The following BLNK variants were observed in gnomAD, a reference collection of about 807,000 sequenced individuals.
The protein encoded by BLNK is B-cell linker protein.
BLNK carries 29 observed loss-of-function variants against 73.5 expected under a neutral mutation model. That is an observed-to-expected ratio of 0.39 (90% CI 0.29 to 0.54). The LOEUF is 0.54. BLNK is among the 20% of genes least tolerant of loss of function. BLNK has a pLI of 0.61. For synonymous variants in BLNK, 176 were observed against 200.8 expected, an observed-to-expected ratio of 0.88 and a Z score of 1.04; for missense variants, 460 against 562.8, an observed-to-expected ratio of 0.82 and a Z score of 1.85.
intron 1 of BLNK, among the ~76,000 whole-genome samples, chr10:96,261,961 C>T (rs1395427216): frequency 3.3e-5 from 5 of 152,262 alleles, no homozygotes; most frequent in African/African-American, 7.2e-5. Flanking sequence ...ACTCTAGGTA[C>T]GAGCTCAGAC....
intron 1 of BLNK, among the ~76,000 whole-genome samples, chr10:96,256,213 C>T (rs1478297457): frequency 2.0e-5 from 3 of 152,108 alleles, no homozygotes; most frequent in Admixed American, 6.5e-5. Flanking sequence ...AACATCTGTG[C>T]TGGTGCAATT....
Position 96,190,189 on chromosome 10 carries a change from G to A in BLNK, c.*1784C>T. 1 of 791,390 alleles carries A rather than the reference G, an allele frequency of 1.3e-6. No individual in the cohort carries two copies. The highest frequency in any genetic ancestry group is 2.2e-6 in the Non-Finnish European group (1 of 446,882). 49.0% of individuals were successfully genotyped at this position (791,390 alleles called of 1,614,324 possible). The stretch of plus-strand genomic sequence containing the variant: ...GAAAAGATAGTTCTGGGCCTCAGGG[G>A]GCTCACGTCCATGTCCATCGAATCT... On this transcript the variant is annotated 3_prime_UTR_variant, in exon 17 of 17. Transcript: ENST00000224337.
Position 96,233,566 on chromosome 10 carries a change from C to G in BLNK, c.164-2732G>C, listed in dbSNP as rs189600617. Among the ~76,000 whole-genome samples the G allele has an allele frequency of 3.4e-4, 52 of 152,330 alleles. 3 individuals carry two copies. Among genetic ancestry groups the G allele is most frequent in the African/African-American group, 9.1e-4 (38 of 41,560 alleles). ...CAGTAACACCAGACAGCTTCCTCCT[C>G]CCGTTGTGCACTTTGCTGATTCTCT... On this transcript the variant is annotated intron_variant, in intron 3 of 16. Coordinates refer to ENST00000224337, the MANE Select transcript of BLNK (RefSeq NM_013314.4).
At chr10:96,257,781 G>A (rs1427930002) in intron 1 of BLNK, among the ~76,000 whole-genome samples, 3 of 152,210 alleles carry the variant, frequency 2.0e-5, no homozygotes, top group African/African-American at 7.2e-5. Flanking sequence ...GCAGGCCACA[G>A]AGCTAACCTG....
intron 3 of BLNK, among the ~76,000 whole-genome samples, chr10:96,242,114 G>A (rs1842898702): frequency 1.3e-5 from 2 of 152,104 alleles, no homozygotes; most frequent in African/African-American, 4.8e-5. Context: ...ACATGCTGTG[G>A]GAGGGACCTT....
Position 96,209,835 on chromosome 10 carries a change from T to C in BLNK, c.746+3A>G. On this transcript the variant is annotated splice_donor_region_variant and intron_variant, in intron 9 of 16. Transcript: ENST00000224337. The stretch of plus-strand genomic sequence containing the variant: ...AAAGCTGCTTCCTGCAACAGGTACT[T>C]ACCCGGCCCGTGGCAACGGGGATGG... 6.2e-7 allele frequency: 1 copy of C among 1,614,184 alleles called. No homozygotes were observed. The highest frequency in any genetic ancestry group is 8.5e-7 in the Non-Finnish European group (1 of 1,180,026).
At chr10:96,243,009 A>G (rs1364429017) in intron 2 of BLNK, among the ~76,000 whole-genome samples, 8 of 152,220 alleles carry the variant, frequency 5.3e-5, no homozygotes, top group African/African-American at 1.9e-4. Flanking sequence ...TGTGGCTATG[A>G]CTTGGCAAAG....
At chr10:96,258,271 A>T (rs1464675842) in intron 1 of BLNK, among the ~76,000 whole-genome samples, 1 of 152,174 alleles carries the variant, frequency 6.6e-6, no homozygotes, top group Non-Finnish European at 1.5e-5. Context: ...TGATAATGTG[A>T]ACAAGCCCCT....
chr10:96,197,292 GA>G (rs1421940892), intron 15 of BLNK, among the ~76,000 whole-genome samples: 1 of 151,248 alleles, frequency 6.6e-6, no homozygotes, highest in South Asian at 2.1e-4. Flanking sequence ...TGCCTTTTTT[GA>G]AAAAAAGGTA....
In BLNK at chr10:96,200,404, A is replaced by C. The variant is rs1018759571; in HGVS notation, c.1012-246T>G. On this transcript the variant is annotated intron_variant, in intron 14 of 16. Transcript: ENST00000224337. This position sits in a 1 kb window ranked among gnomAD's most constrained non-coding sequence, Gnocchi z 4.3. ...ATTATTTCTTTCTTTCTCCTAAATA[A>C]GTAATAATCCCCCTTTCCATTGTGC... 6.6e-6 allele frequency among the ~76,000 whole-genome samples: 1 copy of C among 152,182 alleles called. No homozygotes were observed. Among genetic ancestry groups the C allele is most frequent in the East Asian group, 1.9e-4 (1 of 5,200 alleles).
intron 11 of BLNK, among the ~76,000 whole-genome samples, chr10:96,205,661 C>CTTCCTAG (rs2083780663): frequency 6.6e-6 from 1 of 152,226 alleles, no homozygotes; most frequent in African/African-American, 2.4e-5. Context: ...GCTCTGCCTC[C>CTTCCTAG]GCCATCCTGA....
rs587656265 is a variant in BLNK, at chr10:96,201,580, C to T, written c.935-522G>A. On this transcript the variant is annotated intron_variant, in intron 13 of 16. Coordinates refer to ENST00000224337, the MANE Select transcript of BLNK (RefSeq NM_013314.4). Reference sequence around the variant, plus strand: ...TTAAAATACTAGGTATCAATAGAAACATGTAAACCAAAGCTCTTTGGGTCT... The same window carrying T: ...TTAAAATACTAGGTATCAATAGAAATATGTAAACCAAAGCTCTTTGGGTCT... 2.0e-5 allele frequency among the ~76,000 whole-genome samples: 3 copies of T among 152,218 alleles called. No homozygotes were observed. In the South Asian group the frequency reaches 6.2e-4, roughly 32 times the overall value.
At chr10:96,215,223 A>T (rs1450433094) in intron 8 of BLNK, 98 bp downstream of exon 8, 8 of 1,315,800 alleles carry the variant, frequency 6.1e-6, no homozygotes, top group Non-Finnish European at 2.2e-6. Flanking sequence ...TCCCAATATT[A>T]AGACATTTGG....
At chr10:96,244,707 C>T (rs1842986386) in intron 2 of BLNK, among the ~76,000 whole-genome samples, 1 of 152,172 alleles carries the variant, frequency 6.6e-6, no homozygotes, top group African/African-American at 2.4e-5. Flanking sequence ...CCATAATTTC[C>T]AGGCTGAGAA....
In BLNK at chr10:96,227,364, C is replaced by A. The variant is rs372103176; in HGVS notation, c.361+46G>T. ...CGCAATCTTGGACACCCCCACCTCC[C>A]CATGGGCCTGGAAGGCCGAGTGCCC... On this transcript the variant is annotated intron_variant, in intron 5 of 16. Transcript: ENST00000224337. 20 of 1,603,896 alleles carry A rather than the reference C, an allele frequency of 1.2e-5. No individual in the cohort carries two copies. In the African/African-American group the frequency reaches 2.7e-4, roughly 21 times the overall value.
intron 2 of BLNK, among the ~76,000 whole-genome samples, chr10:96,246,590 A>C (rs75614458): frequency 0.1 from 15,262 of 152,210 alleles, 1,480 homozygotes; most frequent in East Asian, 0.54. Context: ...CAAAACCCCA[A>C]AAAAAGGAAA....
intron 1 of BLNK, among the ~76,000 whole-genome samples, chr10:96,268,840 T>G (rs1844136466): frequency 6.6e-6 from 1 of 152,204 alleles, no homozygotes; most frequent in African/African-American, 2.4e-5. Flanking sequence ...CTTCTATTTT[T>G]GTGGCTAAGA....
intron 16 of BLNK, among the ~76,000 whole-genome samples, chr10:96,194,188 C>T (rs1469999842): frequency 6.6e-6 from 1 of 152,102 alleles, no homozygotes; most frequent in African/African-American, 2.4e-5. Flanking sequence ...TTCAGGACCT[C>T]GAAATAGGAC....
intron 8 of BLNK, among the ~76,000 whole-genome samples, chr10:96,212,304 T>G (rs2083967222): frequency 6.6e-6 from 1 of 152,066 alleles, no homozygotes; most frequent in Non-Finnish European, 1.5e-5. Flanking sequence ...GCCAGAATGG[T>G]CATGGATCAA....
Sources: allele counts gnomAD v4.1 joint callset (sites outside exome capture counted in the v4.1 genomes callset), GRCh38; gene constraint gnomAD v4.1.1; non-coding constraint Gnocchi (gnomAD v3.1); transcripts MANE v1.5; gene names NCBI Gene and HGNC (gene_info 2026-07-23, HGNC 2026-07-21).